Variants in MTRR observed in about 807,000 individuals in gnomAD.
MTRR encodes 5-methyltetrahydrofolate-homocysteine methyltransferase reductase.
Under a neutral mutation model 79.2 loss-of-function variants are expected in MTRR, and 63 were observed. The observed-to-expected ratio is 0.80, with a 90% CI of 0.65 to 0.98. MTRR has a LOEUF of 0.98. MTRR is among the 50% of genes least tolerant of loss of function. The probability of loss-of-function intolerance (pLI) is 0.00; values close to 1 mark genes in which losing one functional copy is unlikely to be tolerated. For missense variants in MTRR, 895 were observed against 839.6 expected (o/e 1.07, Z -0.82); for synonymous variants, 355 against 313.3 (o/e 1.13, Z -1.41).
At chr5:7,865,811 G>C, upstream of MTRR, 1 of 976,314 alleles carries the variant, frequency 1.0e-6, no homozygotes, top group Non-Finnish European at 1.6e-6. Flanking sequence ...TGCTTTTTCA[G>C]GTTATTGAGA....
intron 11 of MTRR, 56 bp downstream of exon 11, chr5:7,892,969 A>G (rs988433797): frequency 2.3e-5 from 35 of 1,539,964 alleles, no homozygotes; most frequent in Non-Finnish European, 3.0e-5. Context: ...TTGTTTCATT[A>G]GAAAAAACAG....
At chr5:7,870,210 G>C in intron 1 of MTRR, 8 of 335,354 alleles carry the variant, frequency 2.4e-5, no homozygotes, top group Non-Finnish European at 3.0e-5. Flanking sequence ...AATAATGAAG[G>C]AGAGTATGTG....
intron 14 of MTRR, among the ~76,000 whole-genome samples, chr5:7,899,090 C>A (rs1739039230): frequency 6.6e-6 from 1 of 152,006 alleles, no homozygotes; most frequent in Non-Finnish European, 1.5e-5. Flanking sequence ...CTCAAATAGC[C>A]AGATCTCTCA....
Position 7,886,867 on chromosome 5 carries a change from T to C in MTRR, c.1146+164T>C, listed in dbSNP as rs533691102. Among the ~76,000 whole-genome samples the C allele has an allele frequency of 7.2e-5, 11 of 152,368 alleles. No homozygotes were observed. The South Asian group carries it at 2.3e-3, about 32-fold the overall frequency. On this transcript the variant is annotated intron_variant, in intron 8 of 14. Coordinates refer to ENST00000440940, the MANE Select transcript of MTRR (RefSeq NM_002454.3). Reference sequence around the variant, plus strand: ...CAAGGGTGTGTGCTATCATCGTAACTATCATCTATGAATCTTTTTATGTTG... The same window carrying C: ...CAAGGGTGTGTGCTATCATCGTAACCATCATCTATGAATCTTTTTATGTTG...
chr5:7,863,101 A>G, intron 2 of MTRR: 1 of 938,288 alleles, frequency 1.1e-6, no homozygotes, highest in Admixed American at 2.2e-5. Context: ...ACATTACTTT[A>G]TAGGCATGAT....
chr5:7,896,766 A>G (rs1437716246), intron 12 of MTRR, 98 bp from the exon 13 acceptor site: 14 of 946,174 alleles, frequency 1.5e-5, no homozygotes, highest in African/African-American at 1.1e-4. Flanking sequence ...TGGATTTTAC[A>G]AATCCGTCTG....
At chr5:7,854,872 T>G (rs749965745) in intron 1 of MTRR, among the ~76,000 whole-genome samples, 3 of 152,180 alleles carry the variant, frequency 2.0e-5, no homozygotes, top group Non-Finnish European at 4.4e-5. Flanking sequence ...GAGAAAGAGG[T>G]AGGCTGGGAG....
intron 1 of MTRR, among the ~76,000 whole-genome samples, chr5:7,857,294 A>G (rs1746275403): frequency 6.6e-6 from 1 of 152,216 alleles, no homozygotes; most frequent in Non-Finnish European, 1.5e-5. Flanking sequence ...GTACAGGTAT[A>G]GACATACCAA....
chr5:7,871,713 A>T (rs1434047230), intron 2 of MTRR, among the ~76,000 whole-genome samples: 4 of 152,216 alleles, frequency 2.6e-5, no homozygotes, highest in Non-Finnish European at 5.9e-5. Flanking sequence ...CAAGTGAATT[A>T]TAAACCCAGC....
In MTRR at chr5:7,862,249, C is replaced by T. The variant is rs542757346; in HGVS notation, n.498+192C>T. Among the ~76,000 whole-genome samples the T allele has an allele frequency of 2.0e-5, 3 of 152,202 alleles. No individual in the cohort carries two copies. In the South Asian group the frequency reaches 6.2e-4, roughly 32 times the overall value. On this transcript the variant is annotated intron_variant and non_coding_transcript_variant, in intron 2 of 3. Transcript: ENST00000502509. ...CATCAAGTTAGAAGAACTGTAAGGA[C>T]GGAGGACTTGGAGTCTCTTGTCAGT...
Position 7,900,246 on chromosome 5 carries a change from A to G in MTRR, c.*188A>G, listed in dbSNP as rs974453502. On this transcript the variant is annotated 3_prime_UTR_variant, in exon 15 of 15. Transcript: ENST00000440940. The stretch of plus-strand genomic sequence containing the variant: ...CCTGATTTGATTTTACGTATCTTCT[A>G]TCTACGCCCTTCCTGTGCCTGTGAC... 10 of 663,540 alleles carry G rather than the reference A, an allele frequency of 1.5e-5. 1 individual carries two copies. The highest frequency in any genetic ancestry group is 3.9e-5 in the South Asian group (2 of 50,674). The allele number at this position is 663,540 out of a possible 1,614,324, so 41.1% of individuals were successfully genotyped here.
intron 9 of MTRR, chr5:7,890,356 C>T: frequency 1.0e-6 from 1 of 985,408 alleles, no homozygotes; most frequent in Non-Finnish European, 1.2e-6. Flanking sequence ...GGCCCTCTCA[C>T]CCTCTTCAGT....
At position 7,892,754 on chromosome 5, in the gene MTRR, C is replaced by T; in HGVS notation, c.1398C>T (p.Leu466=). ...CAAGTTTATTTCACCCAGGAAAGCT[C>T]CATTTTGTCTTCAACATTGTGGAAT... The part of the protein sequence containing the change: ...ASSSLFHPGK[L]HFVFNIVEFL... Residue 466 remains leucine, a synonymous_variant, in exon 11 of 15, where the codon CTC becomes CTT. Coordinates refer to ENST00000440940, the MANE Select transcript of MTRR (RefSeq NM_002454.3). 4 of 1,614,186 alleles carry T rather than the reference C, an allele frequency of 2.5e-6. No individual in the cohort carries two copies. Among genetic ancestry groups the T allele is most frequent in the Non-Finnish European group, 3.4e-6 (4 of 1,180,030 alleles).
intron 5 of MTRR, among the ~76,000 whole-genome samples, chr5:7,882,299 G>A (rs1735716443): frequency 6.6e-6 from 1 of 152,224 alleles, no homozygotes; most frequent in African/African-American, 2.4e-5. Flanking sequence ...TCTGAAAGGA[G>A]GTGTGGGCAG....
chr5:7,874,850 A>G (rs1028711725), intron 3 of MTRR, among the ~76,000 whole-genome samples: 1 of 152,210 alleles, frequency 6.6e-6, no homozygotes, highest in African/African-American at 2.4e-5. Context: ...TTACAAAGAA[A>G]GGCAGTGCAT....
intron 1 of MTRR, chr5:7,859,304 C>G (rs979259120): frequency 1.4e-5 from 7 of 503,532 alleles, no homozygotes; most frequent in Non-Finnish European, 2.4e-5. Context: ...ATAAGGAAAA[C>G]TACAGATGCT....
intron 2 of MTRR, among the ~76,000 whole-genome samples, chr5:7,872,629 C>T (rs1748181621): frequency 6.6e-6 from 1 of 152,164 alleles, no homozygotes; most frequent in Non-Finnish European, 1.5e-5. Flanking sequence ...CCTGTTATCC[C>T]TCTGCCTTAG....
At chr5:7,861,129 A>T (rs1746503346) in intron 1 of MTRR, 1 of 1,480,092 alleles carries the variant, frequency 6.8e-7, no homozygotes. Context: ...GGGAAACAAA[A>T]AAAATAGGTG....
chr5:7,885,180 G>A (rs1425802631), intron 6 of MTRR: 2 of 163,312 alleles, frequency 1.2e-5, no homozygotes, highest in African/African-American at 4.8e-5. Flanking sequence ...CTCACAACCA[G>A]TATCGAGCCA....
Sources: gnomAD v4.1 joint callset for allele counts (sites outside exome capture counted in the v4.1 genomes callset) on GRCh38, gnomAD v4.1.1 for gene constraint, MANE v1.5 for transcripts, NCBI Gene and HGNC (gene_info 2026-07-23, HGNC 2026-07-21) for gene names.